The following ADAM7 variants were observed in gnomAD, a reference collection of about 807,000 sequenced individuals.
ADAM7 encodes disintegrin and metalloproteinase domain-containing protein 7.
In ADAM7, 97 loss-of-function variants were observed where a neutral mutation model predicts 102.9. The observed-to-expected ratio is 0.94, with a 90% confidence interval of 0.80 to 1.12. ADAM7 has a LOEUF of 1.12. Ranked by LOEUF, ADAM7 falls within the 50% of genes most tolerant of loss-of-function variation. ADAM7 has a pLI of 0.00. For missense variants in ADAM7, 991 were observed against 908.7 expected (o/e 1.09, Z -1.16); for synonymous variants, 334 against 304.4 (o/e 1.10, Z -1.01).
Position 24,441,917 on chromosome 8 carries a change from T to C in ADAM7, c.53-556T>C, listed in dbSNP as rs148813199. 8.7e-3 allele frequency among the ~76,000 whole-genome samples: 1,325 copies of C among 152,280 alleles called. 20 individuals carry two copies. The highest frequency in any genetic ancestry group is 0.031 in the African/African-American group (1,271 of 41,566). ...GGCCAGACATGGTGGCTCATGCCTG[T>C]AATCCCAGCACTTTGGGAGGCTGAG... On this transcript the variant is annotated intron_variant, in intron 1 of 21. Coordinates refer to ENST00000175238, the MANE Select transcript of ADAM7 (RefSeq NM_003817.4).
At chr8:24,484,187 A>C (rs1400089787) in intron 9 of ADAM7, among the ~76,000 whole-genome samples, 2 of 152,176 alleles carry the variant, frequency 1.3e-5, no homozygotes, top group Non-Finnish European at 2.9e-5. Context: ...CTCTCCAAGA[A>C]GCATAGTCAA....
intron 3 of ADAM7, among the ~76,000 whole-genome samples, chr8:24,453,584 C>T (rs1818884888): frequency 6.6e-6 from 1 of 152,134 alleles, no homozygotes; most frequent in Admixed American, 6.5e-5. Context: ...AACTTCTTTG[C>T]CTTTGGTTTG....
At chr8:24,444,234 C>T (rs1156324614) in intron 2 of ADAM7, among the ~76,000 whole-genome samples, 2 of 149,706 alleles carry the variant, frequency 1.3e-5, no homozygotes, top group African/African-American at 4.9e-5. Flanking sequence ...TGAGCCCATA[C>T]TGATATAAAT....
intron 7 of ADAM7, chr8:24,475,938 G>T: frequency 2.2e-6 from 1 of 456,472 alleles, no homozygotes; most frequent in South Asian, 1.5e-5. Context: ...GGAGGGAAGG[G>T]GTAGCTACAG....
At position 24,507,438 on chromosome 8, in the gene ADAM7, A is replaced by C. The variant is rs1389039734; in HGVS notation, c.2209-42A>C. ...GTGTGTGGATGCCCATGCGTGTAAC[A>C]TCTGATGTGGCACATGATACAACAT... On this transcript the variant is annotated intron_variant, in intron 20 of 21. Transcript: ENST00000175238. The C allele has an allele frequency of 1.9e-6, 3 of 1,541,324 alleles. No individual in the cohort carries two copies. In the South Asian group the frequency reaches 3.4e-5, roughly 17 times the overall value.
Position 24,485,325 on chromosome 8 carries a change from T to C in ADAM7, c.924T>C (p.Gly308=). The change falls in exon 10 of 22, where the codon GGT becomes GGC. Residue 308 remains glycine (G), a synonymous_variant. Coordinates refer to ENST00000175238, the MANE Select transcript of ADAM7 (RefSeq NM_003817.4). The part of the protein sequence containing the change: ...SHVQGISYPG[G]MCLPYYSTSI... ...TGCAAGGAATTTCTTATCCAGGGGG[T>C]ATGTGCCTGCCCTATTATTCCACCA... 6.2e-7 allele frequency: 1 copy of C among 1,613,698 alleles called. No homozygotes were observed. The highest frequency in any genetic ancestry group is 8.5e-7 in the Non-Finnish European group (1 of 1,179,786).
intron 7 of ADAM7, 22 bp from the exon 8 acceptor site, chr8:24,476,411 A>T: frequency 1.3e-6 from 2 of 1,540,482 alleles, no homozygotes; most frequent in Non-Finnish European, 8.9e-7. Flanking sequence ...AATGAATATT[A>T]ATATGATATT....
At chr8:24,445,690 G>A (rs750001127) in intron 2 of ADAM7, among the ~76,000 whole-genome samples, 1 of 152,136 alleles carries the variant, frequency 6.6e-6, no homozygotes, top group Non-Finnish European at 1.5e-5. Context: ...GCTTGCTATG[G>A]CATGTTTCTG....
chr8:24,458,369 C>A (rs1819117093), intron 3 of ADAM7, among the ~76,000 whole-genome samples: 1 of 152,160 alleles, frequency 6.6e-6, no homozygotes, highest in South Asian at 2.1e-4. Flanking sequence ...ATGTGGAGCT[C>A]TCACCTGTCT....
At chr8:24,444,195 A>G (rs1168672764) in intron 2 of ADAM7, among the ~76,000 whole-genome samples, 1 of 150,704 alleles carries the variant, frequency 6.6e-6, no homozygotes, top group Non-Finnish European at 1.5e-5. Flanking sequence ...ACAGCTTTGT[A>G]TTATGACATG....
rs532452085 is a variant in ADAM7 at position 24,508,470 on chromosome 8, T to C, written c.*-76T>C. ...GAAAGGTTATTCTAATTAGTAGATA[T>C]AAATGAGTAATGGAAATACATGGTT... On this transcript the variant is annotated intron_variant, in intron 21 of 21. Coordinates refer to ENST00000175238, the MANE Select transcript of ADAM7 (RefSeq NM_003817.4). 14 of 1,448,096 alleles carry C rather than the reference T, an allele frequency of 9.7e-6. No homozygotes were observed. In the Admixed American group the frequency reaches 2.0e-4, roughly 21 times the overall value. The allele number at this position is 1,448,096 out of a possible 1,614,324, so 89.7% of individuals were successfully genotyped here. A position where few individuals can be genotyped will look rare whatever the true frequency, so the allele number is the denominator to read the frequency against.
At chr8:24,467,267 A>G in intron 6 of ADAM7, 1 of 485,556 alleles carries the variant, frequency 2.1e-6, no homozygotes, top group Non-Finnish European at 3.6e-6. Context: ...TGAAATTTTC[A>G]ATGTCCTAAA....
At chr8:24,504,063 T>A (rs55755312) in intron 20 of ADAM7, among the ~76,000 whole-genome samples, 18,840 of 116,772 alleles carry the variant, frequency 0.16, 1,444 homozygotes, top group Non-Finnish European at 0.22. Flanking sequence ...TAAAATAAAA[T>A]AAATAAAATA....
chr8:24,447,980 AC>A (rs1818629902), intron 3 of ADAM7, among the ~76,000 whole-genome samples: 1 of 144,916 alleles, frequency 6.9e-6, no homozygotes, highest in Non-Finnish European at 1.5e-5. Flanking sequence ...ACACACACAC[AC>A]ACAATCCCAA....
chr8:24,462,351 G>T (rs1819273137), intron 3 of ADAM7, among the ~76,000 whole-genome samples: 3 of 152,136 alleles, frequency 2.0e-5, no homozygotes, highest in South Asian at 4.1e-4. Context: ...GTACATTCCT[G>T]TTACTGTGAT....
In ADAM7 at chr8:24,453,164, A is replaced by T. The variant is rs1028480069; in HGVS notation, c.233+5902A>T. Among the ~76,000 whole-genome samples the T allele has an allele frequency of 3.3e-5, 5 of 152,006 alleles. 1 individual carries two copies. Among genetic ancestry groups the T allele is most frequent in the African/African-American group, 9.7e-5 (4 of 41,444 alleles). ...TCTTCTCGAGGAGTATCTTTGTGGC[A>T]TTCTCTGTATTTCCTGAATCTGAAT... is the stretch of plus-strand genomic sequence containing the variant. On this transcript the variant is annotated intron_variant, in intron 3 of 21. Transcript: ENST00000175238.
rs1479368539 is a variant in ADAM7, at chr8:24,493,094, C to G, written c.1707C>G (p.Leu569=). 3.1e-6 allele frequency: 5 copies of G among 1,611,936 alleles called. No individual in the cohort carries two copies. The highest frequency in any genetic ancestry group is 3.4e-6 in the Non-Finnish European group (4 of 1,179,136). The change falls in exon 16 of 22, where the codon CTC becomes CTG. Residue 569 remains leucine, a synonymous_variant. Coordinates refer to ENST00000175238, the MANE Select transcript of ADAM7 (RefSeq NM_003817.4). ...GCACTGGAGGGGAGCTTTCCTCTCT[C>G]CTTGGAGAAGACAAGACTTATCACC... ...IYCTGGELSS[L]LGEDKTYHLK... is the part of the protein sequence containing the mutation.
At chr8:24,499,553 C>T (rs552835061) in intron 17 of ADAM7, among the ~76,000 whole-genome samples, 58 of 152,000 alleles carry the variant, frequency 3.8e-4, no homozygotes, top group Admixed American at 3.8e-3. Context: ...CATTATTGTA[C>T]TGGTTATCTA....
Position 24,500,950 on chromosome 8 carries a change from A to T in ADAM7, c.2108+55A>T. 3 of 1,444,410 alleles carry T rather than the reference A, an allele frequency of 2.1e-6. No individual in the cohort carries two copies. In the South Asian group the frequency reaches 3.5e-5, roughly 17 times the overall value. The allele number at this position is 1,444,410 out of a possible 1,614,324, so 89.5% of individuals were successfully genotyped here. On this transcript the variant is annotated intron_variant, in intron 19 of 21. Coordinates refer to ENST00000175238, the MANE Select transcript of ADAM7 (RefSeq NM_003817.4). ...AAGGGAATTGTTACTGAGAATATGT[A>T]AGCTTTGTGGTTATAGAGGATATTC...
Sources: gnomAD v4.1 joint callset for allele counts (sites outside exome capture counted in the v4.1 genomes callset) on GRCh38, gnomAD v4.1.1 for gene constraint, MANE v1.5 for transcripts, NCBI Gene and HGNC (gene_info 2026-07-23, HGNC 2026-07-21) for gene names.